Variants in CAMK1D observed in about 807,000 individuals in gnomAD.
CAMK1D encodes calcium/calmodulin-dependent protein kinase type 1D.
CAMK1D carries 9 observed loss-of-function variants against 47.7 expected under a neutral mutation model. That is an observed-to-expected ratio of 0.19 (90% CI 0.11 to 0.33). The LOEUF is 0.33. Among genes scored for constraint, CAMK1D ranks in the 10% least tolerant of loss-of-function variants. The pLI is 1.00. For missense variants in CAMK1D, 291 were observed against 488.7 expected, an observed-to-expected ratio of 0.60 and a Z score of 3.81; for synonymous variants, 184 against 184.9, an observed-to-expected ratio of 0.99 and a Z score of 0.04.
intron 1 of CAMK1D, among the ~76,000 whole-genome samples, chr10:12,418,262 G>A (rs7100863): frequency 0.054 from 8,209 of 152,214 alleles, 301 homozygotes; most frequent in African/African-American, 0.1. Context: ...TGATTGCAAC[G>A]CGGCCATGCC....
rs188319926 is a variant in CAMK1D at position 12,516,688 on chromosome 10, G to A, written c.93-36537G>A. Among the ~76,000 whole-genome samples the A allele has an allele frequency of 2.9e-3, 441 of 152,274 alleles. 2 individuals carry two copies. The highest frequency in any genetic ancestry group is 9.8e-3 in the African/African-American group (408 of 41,554). On this transcript the variant is annotated intron_variant, in intron 1 of 10. Transcript: ENST00000619168. Reference sequence around the variant, plus strand: ...TTAAAACATTCTAGTCAAATTAATAGTCATGTAGTGATATCTCACTATGGT... The same window carrying A: ...TTAAAACATTCTAGTCAAATTAATAATCATGTAGTGATATCTCACTATGGT...
intron 1 of CAMK1D, among the ~76,000 whole-genome samples, chr10:12,354,189 T>C (rs1837431365): frequency 6.6e-6 from 1 of 152,102 alleles, no homozygotes; most frequent in Non-Finnish European, 1.5e-5. Context: ...GAATGCATGT[T>C]TTTCGTGTAG....
intron 1 of CAMK1D, among the ~76,000 whole-genome samples, chr10:12,511,486 T>G (rs1199132227): frequency 6.6e-6 from 1 of 152,012 alleles, no homozygotes; most frequent in Non-Finnish European, 1.5e-5. Context: ...TGGTGCATGC[T>G]TGTGGCCCCA....
At chr10:12,359,524 G>GTT (rs113839973) in intron 1 of CAMK1D, among the ~76,000 whole-genome samples, 9 of 144,466 alleles carry the variant, frequency 6.2e-5, no homozygotes, top group African/African-American at 1.5e-4. Context: ...TAGCTTCTCG[G>GTT]TTTTTTTTTT....
intron 1 of CAMK1D, among the ~76,000 whole-genome samples, chr10:12,437,608 C>T (rs1832673419): frequency 6.6e-6 from 1 of 152,204 alleles, no homozygotes; most frequent in African/African-American, 2.4e-5. Flanking sequence ...CTACTATCAA[C>T]ATCCCCCAGC....
chr10:12,599,676 A>G (rs1457948388), intron 2 of CAMK1D, among the ~76,000 whole-genome samples: 1 of 152,212 alleles, frequency 6.6e-6, no homozygotes, highest in African/African-American at 2.4e-5. Context: ...TGTGTCCTCC[A>G]TGAAGAGATG....
At chr10:12,773,113 C>T (rs1837116116) in intron 5 of CAMK1D, among the ~76,000 whole-genome samples, 1 of 152,170 alleles carries the variant, frequency 6.6e-6, no homozygotes, top group Non-Finnish European at 1.5e-5. Flanking sequence ...CATTAGGGTT[C>T]GTATCAATCT....
chr10:12,769,492 C>T (rs1439688441), intron 4 of CAMK1D, among the ~76,000 whole-genome samples, 181 bp from the exon 5 acceptor site: 2 of 152,208 alleles, frequency 1.3e-5, no homozygotes, highest in African/African-American at 2.4e-5. Context: ...GTGTGCCAGA[C>T]ACACTGTGCC....
At chr10:12,567,309 C>G (rs1019769384) in intron 2 of CAMK1D, among the ~76,000 whole-genome samples, 1 of 152,178 alleles carries the variant, frequency 6.6e-6, no homozygotes, top group South Asian at 2.1e-4. Flanking sequence ...CTGTAGCTTT[C>G]CAAGATGTTC....
chr10:12,778,387 G>C (rs1837358672), intron 5 of CAMK1D, among the ~76,000 whole-genome samples: 1 of 152,156 alleles, frequency 6.6e-6, no homozygotes, highest in African/African-American at 2.4e-5. Flanking sequence ...CACACCCTTT[G>C]CAAGGACTGT....
intron 3 of CAMK1D, among the ~76,000 whole-genome samples, chr10:12,721,970 C>A (rs370713740): frequency 6.6e-6 from 1 of 152,172 alleles, no homozygotes. Flanking sequence ...CAAGAGGGGG[C>A]TCTGTTTCCC....
Position 12,513,061 on chromosome 10 carries a change from GA to G in CAMK1D, c.93-40161del, listed in dbSNP as rs1265973767. ...GACTGCCCAGGCCAGCTCAGAAGAG[GA>G]AATTCTGAAAGGGGATCCGTCTTTG... On this transcript the variant is annotated intron_variant, in intron 1 of 10. Coordinates refer to ENST00000619168, the MANE Select transcript of CAMK1D (RefSeq NM_153498.4). Among the ~76,000 whole-genome samples the G allele has an allele frequency of 6.6e-5, 10 of 152,332 alleles. No individual in the cohort carries two copies. In the East Asian group the frequency reaches 1.3e-3, roughly 21 times the overall value.
chr10:12,795,850 G>C (rs930285900), intron 6 of CAMK1D, among the ~76,000 whole-genome samples: 4 of 152,300 alleles, frequency 2.6e-5, no homozygotes, highest in East Asian at 3.9e-4. Flanking sequence ...TTGCTTTGGG[G>C]ATTAGGACTT....
At chr10:12,673,598 C>T (rs1167058157) in intron 3 of CAMK1D, among the ~76,000 whole-genome samples, 2 of 151,866 alleles carry the variant, frequency 1.3e-5, no homozygotes, top group Non-Finnish European at 2.9e-5. Flanking sequence ...CTAGTTAGTC[C>T]CTGAAGGAAT....
chr10:12,448,894 G>C (rs954416184), intron 1 of CAMK1D, among the ~76,000 whole-genome samples: 2 of 149,898 alleles, frequency 1.3e-5, no homozygotes, highest in Admixed American at 6.7e-5. Flanking sequence ...CCGTGGTTTT[G>C]GTGGTTTTCT....
At chr10:12,610,117 T>C (rs1838577167) in intron 2 of CAMK1D, among the ~76,000 whole-genome samples, 3 of 152,120 alleles carry the variant, frequency 2.0e-5, no homozygotes, top group Admixed American at 6.5e-5. Context: ...GTAAAGACTT[T>C]CTATGTGACT....
intron 6 of CAMK1D, among the ~76,000 whole-genome samples, chr10:12,794,826 TGGGTATG>T (rs1407458696): frequency 6.6e-6 from 1 of 152,192 alleles, no homozygotes; most frequent in Non-Finnish European, 1.5e-5. Context: ...GGTCAAATCC[TGGGTATG>T]ATTGACCATA....
chr10:12,724,117 G>C (rs1158458976), intron 3 of CAMK1D, among the ~76,000 whole-genome samples: 1 of 152,168 alleles, frequency 6.6e-6, no homozygotes, highest in Non-Finnish European at 1.5e-5. Context: ...GCCTCCCGAG[G>C]AGTTGGGATT....
intron 1 of CAMK1D, among the ~76,000 whole-genome samples, chr10:12,544,007 G>C (rs1474818155): frequency 6.6e-6 from 1 of 152,168 alleles, no homozygotes; most frequent in East Asian, 1.9e-4. Flanking sequence ...GTTTCCTTTA[G>C]TCTTGGAAAT....
Sources: gnomAD v4.1 joint callset for allele counts (sites outside exome capture counted in the v4.1 genomes callset) on GRCh38, gnomAD v4.1.1 for gene constraint, MANE v1.5 for transcripts, NCBI Gene and HGNC (gene_info 2026-07-23, HGNC 2026-07-21) for gene names.